Variants in UBTD2 observed in about 807,000 individuals in gnomAD.
UBTD2 encodes ubiquitin domain-containing protein 2.
UBTD2 carries 9 observed loss-of-function variants against 19.8 expected under a neutral mutation model. The observed-to-expected ratio is 0.46, with a 90% CI of 0.27 to 0.79. The LOEUF (loss-of-function observed/expected upper bound fraction) is 0.79, where lower values mean the gene tolerates loss of function less well. Among genes scored for constraint, UBTD2 ranks in the 30% least tolerant of loss-of-function variants. The pLI is 0.14. For synonymous variants in UBTD2, 98 were observed against 103.9 expected, an observed-to-expected ratio of 0.94 and a Z score of 0.35; for missense variants, 250 against 300.4, an observed-to-expected ratio of 0.83 and a Z score of 1.24.
At chr5:172,257,015 G>A (rs1334109665) in intron 1 of UBTD2, among the ~76,000 whole-genome samples, 1 of 152,110 alleles carries the variant, frequency 6.6e-6, no homozygotes, top group Non-Finnish European at 1.5e-5. Context: ...AGGTTCGGAG[G>A]TATATGTGCA....
At chr5:172,228,870 T>A (rs956359019) in intron 2 of UBTD2, among the ~76,000 whole-genome samples, 1 of 152,190 alleles carries the variant, frequency 6.6e-6, no homozygotes, top group African/African-American at 2.4e-5. Context: ...TTTGTTTTTT[T>A]AAAAATTAAA....
intron 1 of UBTD2, among the ~76,000 whole-genome samples, chr5:172,267,105 A>G (rs1199735957): frequency 1.3e-5 from 2 of 152,076 alleles, no homozygotes; most frequent in East Asian, 3.8e-4. Context: ...AACTGGTTCC[A>G]AAGAACCCAA....
intron 1 of UBTD2, among the ~76,000 whole-genome samples, chr5:172,255,815 G>A (rs1022490109): frequency 6.6e-6 from 1 of 152,180 alleles, no homozygotes; most frequent in African/African-American, 2.4e-5. Context: ...GGGGCTGGGC[G>A]CAGTGGCTCA....
intron 1 of UBTD2, among the ~76,000 whole-genome samples, chr5:172,278,331 A>G (rs1343223229): frequency 6.6e-6 from 1 of 152,152 alleles, no homozygotes; most frequent in Non-Finnish European, 1.5e-5. Context: ...CAGCCTGGCC[A>G]ACATGGTGAA....
At chr5:172,239,553 C>T (rs1427466514) in intron 1 of UBTD2, among the ~76,000 whole-genome samples, 2 of 151,762 alleles carry the variant, frequency 1.3e-5, no homozygotes, top group African/African-American at 4.8e-5. Context: ...CCCGAGTAGC[C>T]GGGATTACAG....
intron 1 of UBTD2, among the ~76,000 whole-genome samples, chr5:172,255,737 TAAG>T (rs1352480238): frequency 6.6e-5 from 10 of 151,924 alleles, no homozygotes. Context: ...GCTGGCAGGG[TAAG>T]AAGAGGCTGG....
At chr5:172,229,314 C>A (rs542032396) in intron 2 of UBTD2, among the ~76,000 whole-genome samples, 31 of 152,056 alleles carry the variant, frequency 2.0e-4, no homozygotes, top group South Asian at 4.1e-4. Context: ...TCCTGGCTAA[C>A]ACGGTGAAAC....
intron 1 of UBTD2, among the ~76,000 whole-genome samples, chr5:172,263,747 C>T (rs965110415): frequency 1.3e-5 from 2 of 152,016 alleles, no homozygotes; most frequent in African/African-American, 4.8e-5. Context: ...GAGCCGAGAT[C>T]GCGCCACTGC....
chr5:172,275,457 A>T (rs1479480578), intron 1 of UBTD2, among the ~76,000 whole-genome samples: 2 of 152,126 alleles, frequency 1.3e-5, no homozygotes, highest in Non-Finnish European at 2.9e-5. Flanking sequence ...TTCTAAATAC[A>T]ACCAGATTAG....
chr5:172,232,189 C>A (rs1581215645), intron 2 of UBTD2, among the ~76,000 whole-genome samples: 1 of 152,120 alleles, frequency 6.6e-6, no homozygotes, highest in African/African-American at 2.4e-5. Context: ...ATGAAAATTG[C>A]TTGAACCTGG....
At chr5:172,257,748 C>T (rs969774731) in intron 1 of UBTD2, among the ~76,000 whole-genome samples, 1 of 152,146 alleles carries the variant, frequency 6.6e-6, no homozygotes, top group Non-Finnish European at 1.5e-5. Flanking sequence ...TCATGATTTA[C>T]GTTTCTCTAA....
chr5:172,259,581 T>C (rs531795511), intron 1 of UBTD2, among the ~76,000 whole-genome samples: 5 of 152,252 alleles, frequency 3.3e-5, no homozygotes, highest in East Asian at 3.9e-4. Context: ...TATGTGTATA[T>C]GTACTGTATA....
intron 2 of UBTD2, among the ~76,000 whole-genome samples, chr5:172,220,670 T>A (rs1771633911): frequency 6.6e-6 from 1 of 152,164 alleles, no homozygotes; most frequent in Admixed American, 6.6e-5. Flanking sequence ...AAGACATACT[T>A]AATGATGAGA....
intron 1 of UBTD2, among the ~76,000 whole-genome samples, chr5:172,251,299 A>G (rs1212903385): frequency 3.7e-5 from 5 of 136,482 alleles, no homozygotes; most frequent in Non-Finnish European, 1.6e-5. Context: ...AGCCTGGGTG[A>G]CAGTGAGCCT....
intron 1 of UBTD2, among the ~76,000 whole-genome samples, chr5:172,268,522 A>G (rs1755421744): frequency 6.6e-6 from 1 of 152,196 alleles, no homozygotes; most frequent in Non-Finnish European, 1.5e-5. Context: ...CGGGCGTGGC[A>G]GATCACTTGA....
chr5:172,234,386 C>G (rs770199946), intron 1 of UBTD2, 28 bp from the exon 2 acceptor site: 4 of 1,582,314 alleles, frequency 2.5e-6, no homozygotes, highest in Non-Finnish European at 2.6e-6. Context: ...AGACTGAGAT[C>G]AAACCCAAAA....
intron 2 of UBTD2, among the ~76,000 whole-genome samples, chr5:172,222,802 T>C (rs971758527): frequency 1.3e-5 from 2 of 152,174 alleles, no homozygotes; most frequent in African/African-American, 2.4e-5. Flanking sequence ...AATAGTGAAA[T>C]CTGATAGTAA....
chr5:172,235,488 G>A (rs1033866242), intron 1 of UBTD2, among the ~76,000 whole-genome samples: 1 of 152,142 alleles, frequency 6.6e-6, no homozygotes, highest in African/African-American at 2.4e-5. Flanking sequence ...TTGAGGAACT[G>A]GGAGTAAAAG....
intron 1 of UBTD2, among the ~76,000 whole-genome samples, chr5:172,281,292 A>G (rs1406867954): frequency 2.6e-5 from 4 of 152,226 alleles, no homozygotes; most frequent in Non-Finnish European, 2.9e-5. Flanking sequence ...TTCATAACCC[A>G]ACACATTCAG....
Sources: allele counts gnomAD v4.1 joint callset (sites outside exome capture counted in the v4.1 genomes callset), GRCh38; gene constraint gnomAD v4.1.1; transcripts MANE v1.5; gene names NCBI Gene and HGNC (gene_info 2026-07-23, HGNC 2026-07-21).